HSD17B12: variants seen among roughly 807,000 people sequenced by gnomAD.
HSD17B12 encodes hydroxysteroid 17-beta dehydrogenase 12, also known as very-long-chain 3-oxoacyl-CoA reductase.
HSD17B12 carries 32 observed loss-of-function variants against 39.3 expected under a neutral mutation model. That is an observed-to-expected ratio of 0.81 (90% CI 0.61 to 1.09). HSD17B12 has a LOEUF of 1.09. Among genes scored for constraint, HSD17B12 ranks in the 50% least tolerant of loss-of-function variants. The probability of loss-of-function intolerance (pLI) is 0.00; values close to 1 mark genes in which losing one functional copy is unlikely to be tolerated. For missense variants in HSD17B12, 342 were observed against 382.9 expected (o/e 0.89, Z 0.89); for synonymous variants, 150 against 146.7 (o/e 1.02, Z -0.16).
the HSD17B12 span, among the ~76,000 whole-genome samples, chr11:43,637,646 A>G: frequency 1.3e-5 from 2 of 152,222 alleles, no homozygotes; most frequent in Non-Finnish European, 2.9e-5. Flanking sequence ...TCAGTGATAC[A>G]GAATGGTTTT....
chr11:43,629,887 AC>A, the HSD17B12 span, among the ~76,000 whole-genome samples: 1 of 152,220 alleles, frequency 6.6e-6, no homozygotes, highest in Non-Finnish European at 1.5e-5. Flanking sequence ...TGATCTCCAA[AC>A]AACATGTGTT....
At chr11:43,852,815 C>G (rs1273469874) in intron 9 of HSD17B12, 1 of 151,998 alleles carries the variant, frequency 6.6e-6, no homozygotes, top group African/African-American at 2.4e-5. Context: ...TCTCAGAAAT[C>G]AAAAGTTACC....
chr11:43,649,481 C>T, the HSD17B12 span, among the ~76,000 whole-genome samples: 22 of 151,928 alleles, frequency 1.4e-4, no homozygotes, highest in East Asian at 2.1e-3. Context: ...AATTTTTATC[C>T]GTGCAAAAGA....
intron 1 of HSD17B12, among the ~76,000 whole-genome samples, chr11:43,704,916 G>T (rs1390129412): frequency 1.3e-5 from 2 of 152,128 alleles, no homozygotes; most frequent in African/African-American, 4.8e-5. Context: ...CACTCAGTTT[G>T]CCCACTCTGG....
the HSD17B12 span, among the ~76,000 whole-genome samples, chr11:43,629,811 T>C: frequency 6.6e-6 from 1 of 152,222 alleles, no homozygotes; most frequent in Non-Finnish European, 1.5e-5. Flanking sequence ...ACATTCCCCT[T>C]AACTGTTAAG....
At chr11:43,721,476 G>A (rs1950175759) in intron 1 of HSD17B12, among the ~76,000 whole-genome samples, 1 of 152,086 alleles carries the variant, frequency 6.6e-6, no homozygotes, top group Admixed American at 6.6e-5. Flanking sequence ...AACATTGGCT[G>A]GGCATGGTGG....
chr11:43,852,305 T>G (rs1213651241), intron 9 of HSD17B12: 3 of 152,172 alleles, frequency 2.0e-5, no homozygotes, highest in African/African-American at 7.2e-5. Flanking sequence ...TTATACCATG[T>G]TACATACGAA....
intron 3 of HSD17B12, among the ~76,000 whole-genome samples, chr11:43,788,242 AAG>A (rs1590300731): frequency 6.6e-6 from 1 of 152,308 alleles, no homozygotes; most frequent in Middle Eastern, 3.4e-3. Flanking sequence ...CAAGCTAACA[AAG>A]AGAGAGAAGT....
the HSD17B12 span, among the ~76,000 whole-genome samples, chr11:43,602,848 T>C: frequency 6.6e-6 from 1 of 151,846 alleles, no homozygotes; most frequent in African/African-American, 2.4e-5. Flanking sequence ...TGGGCCTGAG[T>C]GTCCCCCTGT....
chr11:43,770,533 C>T (rs780446341), intron 3 of HSD17B12, among the ~76,000 whole-genome samples: 5 of 152,154 alleles, frequency 3.3e-5, no homozygotes, highest in Non-Finnish European at 7.4e-5. Flanking sequence ...TTCAAAAGAC[C>T]AACCTGGGCA....
intron 1 of HSD17B12, among the ~76,000 whole-genome samples, chr11:43,736,749 C>G (rs903491976): frequency 6.6e-6 from 1 of 152,130 alleles, no homozygotes; most frequent in African/African-American, 2.4e-5. Context: ...GTTTTATTAA[C>G]TTGCACCCTG....
chr11:43,765,894 C>A (rs1430287882), intron 3 of HSD17B12, among the ~76,000 whole-genome samples: 3 of 152,148 alleles, frequency 2.0e-5, no homozygotes, highest in Non-Finnish European at 4.4e-5. Context: ...ACTGCAGTGG[C>A]ACTATCTCGG....
At chr11:43,655,218 G>T in the HSD17B12 span, among the ~76,000 whole-genome samples, 3 of 152,112 alleles carry the variant, frequency 2.0e-5, no homozygotes, top group African/African-American at 7.2e-5. Context: ...TCTGTTATTG[G>T]TGTATAAGAA....
At chr11:43,826,085 T>C (rs1408010803) in intron 6 of HSD17B12, among the ~76,000 whole-genome samples, 3 of 146,390 alleles carry the variant, frequency 2.0e-5, no homozygotes, top group Non-Finnish European at 4.5e-5. Flanking sequence ...TTTTTTCTTT[T>C]TTTTTTTTTT....
chr11:43,571,334 T>G, the HSD17B12 span, among the ~76,000 whole-genome samples: 1 of 152,226 alleles, frequency 6.6e-6, no homozygotes, highest in Non-Finnish European at 1.5e-5. Context: ...ACCTTTCTAT[T>G]TAGCCTCTGC....
chr11:43,619,228 G>C, the HSD17B12 span, among the ~76,000 whole-genome samples: 4 of 20,890 alleles, frequency 1.9e-4, no homozygotes, highest in East Asian at 1.8e-3. Context: ...ATATATATAT[G>C]ATATATATAT....
the HSD17B12 span, among the ~76,000 whole-genome samples, chr11:43,602,357 C>A: frequency 6.6e-5 from 10 of 152,180 alleles, no homozygotes; most frequent in Admixed American, 6.5e-4. Context: ...TTTAAAAACA[C>A]AAGAACCTTT....
At chr11:43,688,370 G>A (rs1949821594) in intron 1 of HSD17B12, among the ~76,000 whole-genome samples, 1 of 152,110 alleles carries the variant, frequency 6.6e-6, no homozygotes, top group Admixed American at 6.5e-5. Context: ...TCTCTTACAG[G>A]GACTGAGTGA....
At chr11:43,850,125 G>A (rs1053000126) in intron 9 of HSD17B12, among the ~76,000 whole-genome samples, 2 of 152,120 alleles carry the variant, frequency 1.3e-5, no homozygotes, top group African/African-American at 4.8e-5. Context: ...AGGGATCTCT[G>A]CACCAGCAGA....
Sources: allele counts gnomAD v4.1 joint callset (sites outside exome capture counted in the v4.1 genomes callset), GRCh38; gene constraint gnomAD v4.1.1; transcripts MANE v1.5; gene names NCBI Gene and HGNC (gene_info 2026-07-23, HGNC 2026-07-21).